Variants in MAMDC2 observed in about 807,000 individuals in gnomAD.
MAMDC2 encodes the protein MAM domain-containing protein 2.
A neutral mutation model predicts 89.8 loss-of-function variants in MAMDC2; 57 were observed. The observed-to-expected ratio is 0.63, with a 90% CI of 0.51 to 0.79. The LOEUF (loss-of-function observed/expected upper bound fraction) is 0.79. MAMDC2 is among the 30% of genes least tolerant of loss of function. The pLI is 0.00. For synonymous variants in MAMDC2, 313 were observed against 293.4 expected (o/e 1.07, Z -0.68); for missense variants, 800 against 820.6 (o/e 0.97, Z 0.31).
At position 70,045,133 on chromosome 9, in the gene MAMDC2, A is replaced by G. The variant is rs973162457; in HGVS notation, c.148+436A>G. Among the ~76,000 whole-genome samples the G allele has an allele frequency of 5.9e-5, 9 of 152,214 alleles. No homozygotes were observed. The South Asian group carries it at 1.2e-3, about 21-fold the overall frequency. ...TCAGCTTTGCAGAAATGGTTCCACA[A>G]TTCTGTGATGGGACGTCAGTGCTAA... On this transcript the variant is annotated intron_variant, in intron 2 of 13. Transcript: ENST00000377182.
rs200676029 is a variant in MAMDC2 at position 70,166,242 on chromosome 9, C to CAA, written c.1405-2451_1405-2450dup. Among the ~76,000 whole-genome samples the CAA allele has an allele frequency of 2.7e-3, 351 of 129,720 alleles. 1 individual carries two copies. Among genetic ancestry groups the CAA allele is most frequent in the African/African-American group, 9.6e-3 (338 of 35,302 alleles). The allele number at this position is 129,720 out of a possible 152,430, so 85.1% of individuals were successfully genotyped here. ...GGCGACAAGAGCAAAACTCCCATCT[C>CAA]AAAAAAAAAACAAAACAGAAATATA... On this transcript the variant is annotated intron_variant, in intron 9 of 13. Coordinates refer to ENST00000377182, the MANE Select transcript of MAMDC2 (RefSeq NM_153267.5).
At chr9:70,053,237 G>A (rs187802764) in intron 2 of MAMDC2, among the ~76,000 whole-genome samples, 2 of 152,284 alleles carry the variant, frequency 1.3e-5, no homozygotes, top group African/African-American at 4.8e-5. Context: ...CAGGATATTT[G>A]CTTTCTCTAC....
intron 9 of MAMDC2, among the ~76,000 whole-genome samples, chr9:70,145,925 A>G (rs1461528196): frequency 1.3e-5 from 2 of 152,186 alleles, no homozygotes; most frequent in Non-Finnish European, 2.9e-5. Flanking sequence ...AGCCCGCAGA[A>G]GGGCTACATA....
chr9:70,125,404 G>A (rs1015620941), intron 5 of MAMDC2, among the ~76,000 whole-genome samples: 2 of 152,222 alleles, frequency 1.3e-5, no homozygotes, highest in Non-Finnish European at 2.9e-5. Flanking sequence ...GGGCTAGTAA[G>A]AAGTGGAGCA....
intron 11 of MAMDC2, among the ~76,000 whole-genome samples, chr9:70,198,509 G>A (rs1388697008): frequency 6.6e-6 from 1 of 152,066 alleles, no homozygotes. Flanking sequence ...TAAGCCAAGA[G>A]TAACTATCCA....
chr9:70,106,838 C>T (rs1828355423), intron 2 of MAMDC2, among the ~76,000 whole-genome samples: 1 of 152,156 alleles, frequency 6.6e-6, no homozygotes, highest in African/African-American at 2.4e-5. Flanking sequence ...GAAGACAATG[C>T]CCTAACTGTG....
At chr9:70,069,878 C>A (rs999441777) in intron 2 of MAMDC2, among the ~76,000 whole-genome samples, 1 of 152,296 alleles carries the variant, frequency 6.6e-6, no homozygotes, top group African/African-American at 2.4e-5. Flanking sequence ...TCAGCATGAT[C>A]TTGGCTGAAG....
intron 11 of MAMDC2, among the ~76,000 whole-genome samples, chr9:70,190,558 G>GT (rs34267939): frequency 0.041 from 5,924 of 143,572 alleles, 133 homozygotes; most frequent in Non-Finnish European, 0.054. Flanking sequence ...GAGTTTCTCA[G>GT]TTTTTTTTTT....
At chr9:70,046,858 A>G (rs1170749170) in intron 2 of MAMDC2, among the ~76,000 whole-genome samples, 4 of 152,206 alleles carry the variant, frequency 2.6e-5, no homozygotes, top group Non-Finnish European at 4.4e-5. Context: ...GTTAGGCTCC[A>G]GTTGTTCCAG....
intron 2 of MAMDC2, chr9:70,105,925 A>G (rs1032195206): frequency 2.0e-5 from 3 of 152,202 alleles, no homozygotes; most frequent in Non-Finnish European, 4.4e-5. Flanking sequence ...CCTCCTTTAC[A>G]TGCTACAGGA....
Position 70,043,912 on chromosome 9 carries a change from C to G in MAMDC2, c.-286C>G. On this transcript the variant is annotated 5_prime_UTR_variant, in exon 1 of 14. Coordinates refer to ENST00000377182, the MANE Select transcript of MAMDC2 (RefSeq NM_153267.5). ...AGTGTGCAGTTGTCTCCTCCCTGTCCAGCCCCATCGTCGCCCAGGACCAGC... is the reference window on the plus strand; with the variant it reads ...AGTGTGCAGTTGTCTCCTCCCTGTCGAGCCCCATCGTCGCCCAGGACCAGC... 1.8e-6 allele frequency: 1 copy of G among 566,970 alleles called. No individual in the cohort carries two copies. The highest frequency in any genetic ancestry group is 3.2e-6 in the Non-Finnish European group (1 of 317,412). The allele number at this position is 566,970 out of a possible 1,614,324, so 35.1% of individuals were successfully genotyped here. A position where few individuals can be genotyped will look rare whatever the true frequency, so the allele number is the denominator to read the frequency against.
At position 70,044,164 on chromosome 9, in the gene MAMDC2, A is replaced by ACC; in HGVS notation, c.-31_-30dup. The ACC allele has an allele frequency of 1.9e-6, 3 of 1,613,184 alleles. No homozygotes were observed. Among genetic ancestry groups the ACC allele is most frequent in the Non-Finnish European group, 2.5e-6 (3 of 1,179,736 alleles). On this transcript the variant is annotated 5_prime_UTR_variant, in exon 1 of 14. Coordinates refer to ENST00000377182, the MANE Select transcript of MAMDC2 (RefSeq NM_153267.5). ...CAGTCCCAGCGGGCTGGCAACTTGC[A>ACC]CCCCTTCCTAGTCATCCTCCCTGAA...
chr9:70,113,278 G>A, intron 5 of MAMDC2, 146 bp downstream of exon 5: 1 of 870,870 alleles, frequency 1.1e-6, no homozygotes, highest in Non-Finnish European at 1.7e-6. Flanking sequence ...GGAACCAGGA[G>A]GTGTGACAGA....
chr9:70,121,587 A>G (rs1412913558), intron 5 of MAMDC2, among the ~76,000 whole-genome samples: 1 of 152,136 alleles, frequency 6.6e-6, no homozygotes. Context: ...TTTTCAGTTC[A>G]AGTTGTAATA....
intron 2 of MAMDC2, among the ~76,000 whole-genome samples, chr9:70,058,190 A>C (rs1002089961): frequency 1.3e-5 from 2 of 152,240 alleles, no homozygotes; most frequent in African/African-American, 4.8e-5. Flanking sequence ...AGTGCAGGAC[A>C]TGCATCATCT....
chr9:70,049,732 G>A (rs907783832), intron 2 of MAMDC2, among the ~76,000 whole-genome samples: 5 of 152,226 alleles, frequency 3.3e-5, no homozygotes, highest in African/African-American at 1.2e-4. Flanking sequence ...GTCGACCCCA[G>A]AAATGTGACC....
intron 1 of MAMDC2, 55 bp from the exon 2 acceptor site, chr9:70,044,529 T>G (rs1014505570): frequency 5.7e-6 from 8 of 1,393,876 alleles, no homozygotes; most frequent in African/African-American, 1.4e-5. Context: ...GCTCCCCGAG[T>G]TGGTGCAAAG....
At chr9:70,160,870 T>C (rs1251961875) in intron 9 of MAMDC2, among the ~76,000 whole-genome samples, 1 of 132,338 alleles carries the variant, frequency 7.6e-6, no homozygotes, top group Non-Finnish European at 1.7e-5. Flanking sequence ...AGGAAGCTTG[T>C]TGTAAACACA....
At chr9:70,165,195 C>G (rs1156906704) in intron 9 of MAMDC2, among the ~76,000 whole-genome samples, 1 of 152,100 alleles carries the variant, frequency 6.6e-6, no homozygotes, top group African/African-American at 2.4e-5. Context: ...GAGGGTAAGT[C>G]CTTAAGAACA....
Sources: gnomAD v4.1 joint callset for allele counts (sites outside exome capture counted in the v4.1 genomes callset) on GRCh38, gnomAD v4.1.1 for gene constraint, MANE v1.5 for transcripts, NCBI Gene and HGNC (gene_info 2026-07-23, HGNC 2026-07-21) for gene names.